NKD2: variants seen among roughly 807,000 people sequenced by gnomAD.
NKD2 encodes protein naked cuticle homolog 2.
A neutral mutation model predicts 34.8 loss-of-function variants in NKD2; 43 were observed. The observed-to-expected ratio is 1.24, with a 90% CI of 0.97 to 1.60. NKD2 has a LOEUF of 1.60. Ranked by LOEUF, NKD2 falls within the 40% of genes most tolerant of loss-of-function variation. NKD2 has a pLI of 0.00. For missense variants in NKD2, 675 were observed against 627.1 expected (o/e 1.08, Z -0.82); for synonymous variants, 278 against 265.1 (o/e 1.05, Z -0.47).
Position 1,034,879 on chromosome 5 carries a change from A to C in NKD2, c.550A>C (p.Lys184Gln), listed in dbSNP as rs887014320. 6.2e-7 allele frequency: 1 copy of C among 1,611,700 alleles called. No homozygotes were observed. Among genetic ancestry groups the C allele is most frequent in the Non-Finnish European group, 8.5e-7 (1 of 1,179,356 alleles). ...TVSPEPSSKR[K>Q]EGPPAGQDRE... ...CAGCCCTGAGCCCTCCAGCAAGAGG[A>C]AGGAGGGTCCTCCTGCTGGCCAGGG... Residue 184 changes from lysine to glutamine, a missense_variant, in exon 7 of 10, where the codon AAG becomes CAG. Lys to Gln is a moderately conservative substitution (Grantham distance 53). Coordinates refer to ENST00000296849, the MANE Select transcript of NKD2 (RefSeq NM_033120.4).
intron 3 of NKD2, among the ~76,000 whole-genome samples, chr5:1,026,359 T>G (rs375053874): frequency 3.1e-5 from 2 of 65,424 alleles, no homozygotes; most frequent in African/African-American, 5.6e-5. Flanking sequence ...CTTCCCACCC[T>G]CTGTGGGCGT....
chr5:1,033,168 G>A (rs761840744), intron 4 of NKD2, among the ~76,000 whole-genome samples: 2 of 152,188 alleles, frequency 1.3e-5, no homozygotes, highest in Non-Finnish European at 2.9e-5. Context: ...ACCGTGGGCT[G>A]GTGAGAGGAG....
chr5:1,033,624 G>A, intron 5 of NKD2, 125 bp downstream of exon 5: 2 of 1,183,336 alleles, frequency 1.7e-6, no homozygotes, highest in East Asian at 2.6e-5. Context: ...CTTCCCCACA[G>A]TTCACCCCGT....
intron 3 of NKD2, among the ~76,000 whole-genome samples, chr5:1,030,673 C>G (rs893358852): frequency 1.3e-5 from 2 of 152,194 alleles, no homozygotes; most frequent in South Asian, 2.1e-4. Flanking sequence ...AAGGCCTCGC[C>G]GGGCTGGGCT....
rs1299731945 is a variant in NKD2, at chr5:1,034,126, C to T, written c.331-109C>T. On this transcript the variant is annotated intron_variant, in intron 5 of 9. Coordinates refer to ENST00000296849, the MANE Select transcript of NKD2 (RefSeq NM_033120.4). ...GCCCTCTAGGCTCCGCCTTTCCTAG[C>T]TGGCATGAGGGACCCCTGGGAAAGG... is the stretch of plus-strand genomic sequence containing the variant. 8 of 756,232 alleles carry T rather than the reference C, an allele frequency of 1.1e-5. No individual in the cohort carries two copies. The South Asian group carries it at 1.1e-4, about 11-fold the overall frequency. 46.8% of individuals were successfully genotyped at this position (756,232 alleles called of 1,614,324 possible).
At chr5:1,032,650 G>A (rs1191507325) in intron 4 of NKD2, among the ~76,000 whole-genome samples, 2 of 152,240 alleles carry the variant, frequency 1.3e-5, no homozygotes, top group Non-Finnish European at 2.9e-5. Context: ...GTCAGCACTT[G>A]GCTTACCTGT....
chr5:1,013,591 C>T lies in NKD2; in HGVS notation c.141+4031C>T, dbSNP rs62330223. Among the ~76,000 whole-genome samples, 916 of 152,380 alleles carry T rather than the reference C, an allele frequency of 6.0e-3. 4 individuals are homozygous for T. Among genetic ancestry groups the T allele is most frequent in the Non-Finnish European group, 0.01 (708 of 68,034 alleles). On this transcript the variant is annotated intron_variant, in intron 3 of 9. Coordinates refer to ENST00000296849, the MANE Select transcript of NKD2 (RefSeq NM_033120.4). ...GGGTTGGATACCATGTATGTAGTTT[C>T]TGTGCCAGCCTGGGCCTTGGGCCCA...
At chr5:1,035,208 TAATGAATGAGTGAACGAGTGAGTTAATG>T (rs1434947327) in intron 7 of NKD2, among the ~76,000 whole-genome samples, 153 bp from the exon 8 acceptor site, 1 of 150,660 alleles carries the variant, frequency 6.6e-6, no homozygotes, top group African/African-American at 2.5e-5. Flanking sequence ...ACGAGTGAGT[TAATGAATGAGTGAACGAGTGAGTTAATG>T]AATGAGTGAA....
At chr5:1,027,524 A>G (rs1756468789) in intron 3 of NKD2, among the ~76,000 whole-genome samples, 1 of 152,066 alleles carries the variant, frequency 6.6e-6, no homozygotes, top group African/African-American at 2.4e-5. Context: ...CTCGGCTCCC[A>G]TCACCTCCAC....
At chr5:1,034,685 T>C in intron 6 of NKD2, 71 bp from the exon 7 acceptor site, 1 of 1,515,970 alleles carries the variant, frequency 6.6e-7, no homozygotes, top group Non-Finnish European at 9.0e-7. Context: ...GCTGGATGTG[T>C]TTTCTGGCAG....
At chr5:1,021,481 C>T (rs1192901378) in intron 3 of NKD2, among the ~76,000 whole-genome samples, 3 of 149,876 alleles carry the variant, frequency 2.0e-5, no homozygotes, top group African/African-American at 7.4e-5. Context: ...CACTTTAGAA[C>T]CAGAAGTTCA....
chr5:1,031,215 TGACCCCTGGTCAG>T (rs1353420753), intron 3 of NKD2, among the ~76,000 whole-genome samples: 2 of 152,134 alleles, frequency 1.3e-5, no homozygotes, highest in Non-Finnish European at 2.9e-5. Flanking sequence ...GAGGGGCACA[TGACCCCTGGTCAG>T]GAGGAAAGGA....
At chr5:1,037,379 A>G (rs1488492652) in intron 9 of NKD2, 4 of 759,700 alleles carry the variant, frequency 5.3e-6, no homozygotes, top group Admixed American at 2.4e-5. Flanking sequence ...GCTGCACCCT[A>G]CAGGGCTCGC....
chr5:1,031,759 C>A (rs1028906964), intron 3 of NKD2, among the ~76,000 whole-genome samples: 5 of 152,148 alleles, frequency 3.3e-5, no homozygotes, highest in African/African-American at 1.2e-4. Flanking sequence ...CTGGAGTCCT[C>A]GTGTCAGGCT....
intron 3 of NKD2, among the ~76,000 whole-genome samples, chr5:1,030,022 G>A (rs2334954): frequency 0.4 from 59,089 of 147,882 alleles, 13,975 homozygotes; most frequent in Middle Eastern, 0.5. Flanking sequence ...GTGCGGGGGG[G>A]GGGGTACTGA....
chr5:1,037,466 C>A, intron 9 of NKD2: 25 of 1,489,062 alleles, frequency 1.7e-5, no homozygotes, highest in Non-Finnish European at 2.3e-5. Context: ...GATGCGAATC[C>A]TGGGGGCGCC....
chr5:1,033,345 C>T, intron 4 of NKD2, 27 bp from the exon 5 acceptor site: 2 of 1,576,722 alleles, frequency 1.3e-6, no homozygotes, highest in South Asian at 1.2e-5. Context: ...CCTCTGCCAG[C>T]CCCTTCGCCT....
chr5:1,035,185 A>C (rs1355354446), intron 7 of NKD2, among the ~76,000 whole-genome samples: 1 of 152,122 alleles, frequency 6.6e-6, no homozygotes, highest in Non-Finnish European at 1.5e-5. Flanking sequence ...TGAATGAGTG[A>C]GTTAATGAGT....
chr5:1,032,925 G>A (rs925463254), intron 4 of NKD2, among the ~76,000 whole-genome samples: 10 of 152,254 alleles, frequency 6.6e-5, no homozygotes, highest in Non-Finnish European at 1.3e-4. Flanking sequence ...CTGCCCAGAG[G>A]CTGCGGGGAG....
Sources: allele counts gnomAD v4.1 joint callset (sites outside exome capture counted in the v4.1 genomes callset), GRCh38; gene constraint gnomAD v4.1.1; transcripts MANE v1.5; gene names NCBI Gene and HGNC (gene_info 2026-07-23, HGNC 2026-07-21).